The following LRP1B variants were observed in gnomAD, a reference collection of about 807,000 sequenced individuals.
LRP1B encodes LDL receptor related protein 1B, also known as low-density lipoprotein receptor-related protein 1B.
Under a neutral mutation model 556.6 loss-of-function variants are expected in LRP1B, and 217 were observed. The ratio of observed to expected loss-of-function variants is 0.39; its 90% CI spans 0.35 to 0.44. The LOEUF is 0.44. LRP1B is among the 20% of genes least tolerant of loss of function. The pLI is 1.00. For synonymous variants in LRP1B, 2,047 were observed against 1,865.8 expected, an observed-to-expected ratio of 1.10 and a Z score of -2.50; for missense variants, 5,053 against 5,620.8, an observed-to-expected ratio of 0.90 and a Z score of 3.23.
chr2:141,566,507 G>T (rs1686336184), intron 2 of LRP1B, among the ~76,000 whole-genome samples: 1 of 152,112 alleles, frequency 6.6e-6, no homozygotes, highest in Non-Finnish European at 1.5e-5. Context: ...AGTGTAACTG[G>T]CATGCAAATG....
At chr2:140,600,991 G>T (rs551942952) in intron 42 of LRP1B, among the ~76,000 whole-genome samples, 1 of 151,238 alleles carries the variant, frequency 6.6e-6, no homozygotes, top group South Asian at 2.1e-4. Context: ...CTGAAAAATA[G>T]CTGCACACAA....
chr2:141,091,167 A>G (rs1700162068), intron 7 of LRP1B, among the ~76,000 whole-genome samples: 1 of 152,076 alleles, frequency 6.6e-6, no homozygotes, highest in Non-Finnish European at 1.5e-5. Context: ...AAGATCAGAT[A>G]AAGAGAGAGA....
At chr2:141,016,546 G>C (rs577228650) in intron 12 of LRP1B, among the ~76,000 whole-genome samples, 1 of 152,040 alleles carries the variant, frequency 6.6e-6, no homozygotes, top group Non-Finnish European at 1.5e-5. Context: ...TTAGCTGCAC[G>C]TAAGTTTAGT....
chr2:140,640,913 C>T (rs1214257103), intron 41 of LRP1B, among the ~76,000 whole-genome samples: 2 of 152,112 alleles, frequency 1.3e-5, no homozygotes, highest in Non-Finnish European at 2.9e-5. Context: ...GTAACATTAT[C>T]TTCTGCTTCT....
intron 41 of LRP1B, among the ~76,000 whole-genome samples, chr2:140,607,439 C>T (rs1012608074): frequency 2.0e-5 from 3 of 151,948 alleles, no homozygotes; most frequent in Non-Finnish European, 2.9e-5. Flanking sequence ...GAAACGAAAA[C>T]GTACCTCCAC....
intron 84 of LRP1B, among the ~76,000 whole-genome samples, chr2:140,292,798 C>A (rs1012992181): frequency 6.6e-6 from 1 of 152,126 alleles, no homozygotes; most frequent in Admixed American, 6.6e-5. Context: ...AAAACATATT[C>A]ACTGATGAAC....
intron 1 of LRP1B, among the ~76,000 whole-genome samples, chr2:142,035,662 T>A (rs983608669): frequency 1.3e-5 from 2 of 151,618 alleles, no homozygotes; most frequent in Non-Finnish European, 3.0e-5. Flanking sequence ...TAACAACAAC[T>A]TTTTTTCTGG....
intron 1 of LRP1B, among the ~76,000 whole-genome samples, chr2:142,071,280 C>T (rs1328649192): frequency 6.6e-6 from 1 of 151,868 alleles, no homozygotes; most frequent in Non-Finnish European, 1.5e-5. Flanking sequence ...AAATTATATG[C>T]CATATATATT....
chr2:140,627,335 G>T (rs1185533051), intron 41 of LRP1B, among the ~76,000 whole-genome samples: 1 of 152,168 alleles, frequency 6.6e-6, no homozygotes, highest in African/African-American at 2.4e-5. Flanking sequence ...CTGCCAGCAT[G>T]GAGAGGATAA....
chr2:141,878,087 A>C (rs989576416), intron 1 of LRP1B, among the ~76,000 whole-genome samples: 1 of 152,032 alleles, frequency 6.6e-6, no homozygotes, highest in Non-Finnish European at 1.5e-5. Context: ...GAAGTTAAAA[A>C]AAAAATCCCC....
chr2:141,170,627 T>C (rs538865512), intron 7 of LRP1B, among the ~76,000 whole-genome samples: 15 of 152,184 alleles, frequency 9.9e-5, no homozygotes, highest in African/African-American at 2.9e-4. Context: ...TGGTAAGAAA[T>C]GCATGGGGAG....
intron 27 of LRP1B, among the ~76,000 whole-genome samples, chr2:140,864,728 T>C (rs1358410009): frequency 2.0e-5 from 3 of 152,058 alleles, no homozygotes; most frequent in African/African-American, 7.2e-5. Context: ...TTAGATTAGA[T>C]GGCTTCGTGA....
intron 6 of LRP1B, among the ~76,000 whole-genome samples, chr2:141,201,728 A>T (rs916860069): frequency 6.6e-6 from 1 of 152,186 alleles, no homozygotes; most frequent in Non-Finnish European, 1.5e-5. Flanking sequence ...TAGAAAATAG[A>T]AATGGTGCAT....
chr2:140,444,217 A>G, intron 65 of LRP1B, 113 bp downstream of exon 65: 1 of 1,138,766 alleles, frequency 8.8e-7, no homozygotes, highest in Non-Finnish European at 1.2e-6. Context: ...ATTTGACCAT[A>G]ATTTCTTTTC....
At chr2:140,637,590 T>C (rs1326034699) in intron 41 of LRP1B, among the ~76,000 whole-genome samples, 1 of 152,182 alleles carries the variant, frequency 6.6e-6, no homozygotes, top group Non-Finnish European at 1.5e-5. Context: ...TTTTCCTAAA[T>C]TGGCTATATA....
rs75776959 is a variant in LRP1B at position 140,232,081 on chromosome 2, GTTC to G, written c.*1102_*1104del. 0.14 allele frequency: 21,004 copies of G among 151,220 alleles called. 1,889 individuals carry two copies. The highest frequency in any genetic ancestry group is 0.32 in the East Asian group (1,631 of 5,064). 9.4% of individuals were successfully genotyped at this position (151,220 alleles called of 1,614,324 possible). On this transcript the variant is annotated 3_prime_UTR_variant, in exon 91 of 91. Coordinates refer to ENST00000389484, the MANE Select transcript of LRP1B (RefSeq NM_018557.3). ...CACTTTTGATTATGGGAAGATCATT[GTTC>G]TTCTACAACTTGGAAGGCCCTTGAA...
At chr2:140,430,582 C>T (rs1685884307) in intron 66 of LRP1B, among the ~76,000 whole-genome samples, 3 of 152,212 alleles carry the variant, frequency 2.0e-5, no homozygotes, top group African/African-American at 7.2e-5. Flanking sequence ...TTCTCCTTCA[C>T]ATCGGTCACT....
chr2:140,404,843 C>A (rs1684663305), intron 66 of LRP1B, among the ~76,000 whole-genome samples: 1 of 152,030 alleles, frequency 6.6e-6, no homozygotes, highest in Non-Finnish European at 1.5e-5. Flanking sequence ...AGCAAAGAAA[C>A]AATGGACTTA....
chr2:140,815,261 G>A (rs543529169), intron 31 of LRP1B, among the ~76,000 whole-genome samples: 1 of 152,198 alleles, frequency 6.6e-6, no homozygotes, highest in South Asian at 2.1e-4. Context: ...GGATTCCCAG[G>A]ACAAAGAATG....
Sources: gnomAD v4.1 joint callset for allele counts (sites outside exome capture counted in the v4.1 genomes callset) on GRCh38, gnomAD v4.1.1 for gene constraint, MANE v1.5 for transcripts, NCBI Gene and HGNC (gene_info 2026-07-23, HGNC 2026-07-21) for gene names.